The following TSC22D3 variants were observed in gnomAD, a reference collection of about 807,000 sequenced individuals.
TSC22D3 encodes TSC22 domain family protein 3.
In TSC22D3, 4 loss-of-function variants were observed where a neutral mutation model predicts 11.1. That is an observed-to-expected ratio of 0.36 (90% CI 0.18 to 0.83). The LOEUF (loss-of-function observed/expected upper bound fraction) is 0.83. Ranked by LOEUF, TSC22D3 falls within the 40% of genes least tolerant of loss-of-function variation. The probability of loss-of-function intolerance (pLI) is 0.48; values close to 1 mark genes in which losing one functional copy is unlikely to be tolerated. For synonymous variants in TSC22D3, 77 were observed against 70.3 expected, an observed-to-expected ratio of 1.10 and a Z score of -0.48; for missense variants, 118 against 159.4, an observed-to-expected ratio of 0.74 and a Z score of 1.40.
chrX:107,763,152 A>T (rs1929517531), intron 1 of TSC22D3, among the ~76,000 whole-genome samples: 1 of 110,884 alleles, frequency 9.0e-6, no homozygotes, highest in Admixed American at 9.5e-5. Flanking sequence ...ACTGCGCCCG[A>T]CCTGTACTTT....
chrX:107,761,062 C>T (rs1282294476), intron 1 of TSC22D3, among the ~76,000 whole-genome samples: 2 of 112,372 alleles, frequency 1.8e-5, no homozygotes, highest in African/African-American at 3.2e-5. Flanking sequence ...TAAAGAGACA[C>T]TCAGTGCTTT....
At chrX:107,745,901 G>A (rs1928627720) in intron 1 of TSC22D3, among the ~76,000 whole-genome samples, 1 of 112,563 alleles carries the variant, frequency 8.9e-6, no homozygotes. Context: ...CAGAATAAGA[G>A]TTCTCTTGAA....
intron 1 of TSC22D3, among the ~76,000 whole-genome samples, chrX:107,771,345 G>T (rs1929897826): frequency 8.9e-6 from 1 of 112,259 alleles, no homozygotes; most frequent in Non-Finnish European, 1.9e-5. Context: ...AGCACCTTGG[G>T]AGGCCGAGGC....
intron 1 of TSC22D3, among the ~76,000 whole-genome samples, chrX:107,754,786 G>A (rs1342785022): frequency 8.9e-6 from 1 of 112,417 alleles, no homozygotes; most frequent in East Asian, 2.8e-4. Context: ...GCAGGTGATT[G>A]CGTCCTCTGC....
chrX:107,748,647 G>A (rs1928784466), intron 1 of TSC22D3, among the ~76,000 whole-genome samples: 1 of 111,275 alleles, frequency 9.0e-6, no homozygotes, highest in Non-Finnish European at 1.9e-5. Context: ...AGCTCACACC[G>A]ACTAGTTCTC....
intron 1 of TSC22D3, among the ~76,000 whole-genome samples, chrX:107,720,230 C>T (rs773553678): frequency 9.1e-6 from 1 of 110,474 alleles, no homozygotes; most frequent in Non-Finnish European, 1.9e-5. Context: ...AAGGAGGTCC[C>T]AGGTTCAGCC....
intron 1 of TSC22D3, chrX:107,716,450 C>T: frequency 1.2e-5 from 12 of 992,142 alleles, no homozygotes; most frequent in Non-Finnish European, 1.4e-5. Context: ...CTCCGGCTGC[C>T]TCTGCGGCTG....
At position 107,775,183 on chromosome X, in the gene TSC22D3, C is replaced by T. The variant is rs779723778; in HGVS notation, c.237G>A (p.Arg79=). ...CCTCGTTGATCAGGTAGCAGGGGTC[C>T]CGCAGCACCGGCTCTAGCGAATCCT... ...MRQDSLEPVL[R]DPCYLINEGI... is the part of the protein sequence containing the mutation. Residue 79 remains arginine (R), a synonymous_variant, in exon 1 of 3, where the codon CGG becomes CGA. Coordinates refer to ENST00000372383, the MANE Select transcript of TSC22D3 (RefSeq NM_198057.3). 4.3e-5 allele frequency: 52 copies of T among 1,210,432 alleles called. No homozygotes were observed. The highest frequency in any genetic ancestry group is 4.9e-5 in the Non-Finnish European group (44 of 895,327).
chrX:107,763,952 G>C lies in TSC22D3; in HGVS notation c.320+11148C>G, dbSNP rs754191216. The stretch of plus-strand genomic sequence containing the variant: ...TCATGGCCTAGAGATACTTCCAGGG[G>C]TGTGAGAATTACCTACATGGTATGG... On this transcript the variant is annotated intron_variant, in intron 1 of 2. Transcript: ENST00000372383. Among the ~76,000 whole-genome samples, 185 of 112,426 alleles carry C rather than the reference G, an allele frequency of 1.6e-3. 1 individual carries two copies. The highest frequency in any genetic ancestry group is 5.9e-3 in the African/African-American group (183 of 30,962).
intron 1 of TSC22D3, among the ~76,000 whole-genome samples, chrX:107,764,410 G>T: frequency 8.9e-6 from 1 of 112,226 alleles, no homozygotes; most frequent in Middle Eastern, 4.6e-3. Context: ...CTAACTTGGG[G>T]AGAGGGTCCC....
chrX:107,725,806 G>A (rs1322273137), intron 1 of TSC22D3, among the ~76,000 whole-genome samples: 1 of 111,587 alleles, frequency 9.0e-6, no homozygotes, highest in Non-Finnish European at 1.9e-5. Context: ...AGGGACATGC[G>A]GCGGGGGAGG....
In TSC22D3 at chrX:107,713,615, T is replaced by C. The variant is rs1332607230; in HGVS notation, c.*904A>G. 1 of 112,751 alleles carries C rather than the reference T, an allele frequency of 8.9e-6. No homozygotes were observed. Among genetic ancestry groups the C allele is most frequent in the Non-Finnish European group, 1.9e-5 (1 of 53,283 alleles). 9.3% of individuals were successfully genotyped at this position (112,751 alleles called of 1,213,427 possible). On this transcript the variant is annotated 3_prime_UTR_variant, in exon 3 of 3. Coordinates refer to ENST00000372383, the MANE Select transcript of TSC22D3 (RefSeq NM_198057.3). ...AGGACTTCACGTTTCAGTGGACAGC[T>C]GGGGAAAGGGTTGCAGCAGCAAGGC... is the stretch of plus-strand genomic sequence containing the variant.
At chrX:107,735,802 G>A (rs1294898169) in intron 1 of TSC22D3, among the ~76,000 whole-genome samples, 1 of 109,822 alleles carries the variant, frequency 9.1e-6, no homozygotes, top group African/African-American at 3.3e-5. Context: ...ATACCAACGA[G>A]TTGGCTTCTT....
At chrX:107,721,866 T>C (rs1927347269) in intron 1 of TSC22D3, 1 of 515,200 alleles carries the variant, frequency 1.9e-6, no homozygotes, top group Non-Finnish European at 3.6e-6. Context: ...TACTTGTCCC[T>C]TTTTCTGAAG....
chrX:107,733,375 T>C (rs186530797), intron 1 of TSC22D3, among the ~76,000 whole-genome samples: 14 of 112,239 alleles, frequency 1.2e-4, no homozygotes, highest in South Asian at 3.7e-4. Context: ...TGCAATGTGC[T>C]TGAAGTACTC....
intron 1 of TSC22D3, among the ~76,000 whole-genome samples, chrX:107,721,521 C>A (rs1368835241): frequency 9.0e-6 from 1 of 111,630 alleles, no homozygotes; most frequent in Admixed American, 9.5e-5. Context: ...TTTTGTTACA[C>A]TTGAAGCACT....
At chrX:107,744,201 C>T (rs1227876922) in intron 1 of TSC22D3, among the ~76,000 whole-genome samples, 1 of 112,163 alleles carries the variant, frequency 8.9e-6, no homozygotes, top group Non-Finnish European at 1.9e-5. Context: ...GCCCTGCCCT[C>T]TCTGACATGG....
chrX:107,772,919 CTG>C (rs1275637142), intron 1 of TSC22D3, among the ~76,000 whole-genome samples: 1 of 112,576 alleles, frequency 8.9e-6, no homozygotes, highest in African/African-American at 3.2e-5. Flanking sequence ...AACTATAAGA[CTG>C]TTACCACAGG....
At chrX:107,718,373 A>G (rs764973663) in intron 1 of TSC22D3, among the ~76,000 whole-genome samples, 13 of 112,605 alleles carry the variant, frequency 1.2e-4, no homozygotes, top group Non-Finnish European at 1.7e-4. Flanking sequence ...CACATATACA[A>G]CAGTTTGGAT....
Sources: gnomAD v4.1 joint callset for allele counts (sites outside exome capture counted in the v4.1 genomes callset) on GRCh38, gnomAD v4.1.1 for gene constraint, MANE v1.5 for transcripts, NCBI Gene and HGNC (gene_info 2026-07-23, HGNC 2026-07-21) for gene names.